Variants in SLC4A7 observed in about 807,000 individuals in gnomAD.
SLC4A7 encodes solute carrier family 4 member 7.
SLC4A7 carries 51 observed loss-of-function variants against 137.6 expected under a neutral mutation model. That is an observed-to-expected ratio of 0.37 (90% confidence interval 0.30 to 0.47). The LOEUF (loss-of-function observed/expected upper bound fraction) is 0.47, where lower values mean the gene tolerates loss of function less well. SLC4A7 is among the 20% of genes least tolerant of loss of function. The probability of loss-of-function intolerance (pLI) is 1.00; values close to 1 mark genes in which losing one functional copy is unlikely to be tolerated. For missense variants in SLC4A7, 1,247 were observed against 1,525.4 expected, an observed-to-expected ratio of 0.82 and a Z score of 3.04; for synonymous variants, 542 against 518.6, an observed-to-expected ratio of 1.05 and a Z score of -0.61.
intron 3 of SLC4A7, among the ~76,000 whole-genome samples, chr3:27,446,875 G>GTT (rs59612875): frequency 0.016 from 1,431 of 91,180 alleles, 27 homozygotes; most frequent in African/African-American, 0.046. Context: ...GTTTTTTTTT[G>GTT]TTTTTTTTTG....
Position 27,376,728 on chromosome 3 carries a change from T to C in SLC4A7, c.*36A>G. ...ACATGATACGCACACATTACATATGTATATATCTATATGTATAATGCCTCT... is the reference window on the plus strand; with the variant it reads ...ACATGATACGCACACATTACATATGCATATATCTATATGTATAATGCCTCT... On this transcript the variant is annotated 3_prime_UTR_variant, in exon 26 of 26. Transcript: ENST00000454389. 3.5e-6 allele frequency: 4 copies of C among 1,141,184 alleles called. No homozygotes were observed. The South Asian group carries it at 5.0e-5, about 14-fold the overall frequency. The allele number at this position is 1,141,184 out of a possible 1,614,324, so 70.7% of individuals were successfully genotyped here.
Position 27,379,918 on chromosome 3 carries a change from C to G in SLC4A7, c.3591-562G>C, listed in dbSNP as rs184971995. On this transcript the variant is annotated intron_variant, in intron 24 of 25. Coordinates refer to ENST00000454389, the MANE Select transcript of SLC4A7 (RefSeq NM_001321103.2). ...AAACAAAGCTCTGAAAATATTTCAA[C>G]AGCTAACACAAAATAGCCTCATGAG... Among the ~76,000 whole-genome samples the G allele has an allele frequency of 2.1e-3, 316 of 152,252 alleles. 1 individual carries two copies. The highest frequency in any genetic ancestry group is 3.3e-3 in the Non-Finnish European group (223 of 68,028).
In SLC4A7 at chr3:27,448,873, T is replaced by A; in HGVS notation, c.143-76A>T. ...TGATATATACAAAAGTACTCCAAAA[T>A]CTACTCTGATAAAGAATATAAGTTC... is the stretch of plus-strand genomic sequence containing the variant. On this transcript the variant is annotated intron_variant, in intron 2 of 25. Coordinates refer to ENST00000454389, the MANE Select transcript of SLC4A7 (RefSeq NM_001321103.2). 3 of 1,004,296 alleles carry A rather than the reference T, an allele frequency of 3.0e-6. No individual in the cohort carries two copies. In the Admixed American group the frequency reaches 8.2e-5, roughly 27 times the overall value. 62.2% of individuals were successfully genotyped at this position (1,004,296 alleles called of 1,614,324 possible).
Position 27,448,759 on chromosome 3 carries a change from T to G in SLC4A7, c.181A>C (p.Ser61Arg). The G allele has an allele frequency of 1.2e-6, 2 of 1,613,558 alleles. No individual in the cohort carries two copies. The highest frequency in any genetic ancestry group is 1.7e-6 in the Non-Finnish European group (2 of 1,179,656). The change falls in exon 3 of 26, where the codon AGT becomes CGT. Residue 61 changes from serine to arginine, a missense_variant. By Grantham distance (110) the Ser-to-Arg change is moderately radical. Around this residue, in one of 6 missense-constraint regions of SLC4A7, gnomAD observed 176 missense variants for 186.4 expected, o/e 0.94. Transcript: ENST00000454389. ...AVYIGVHVPFSKESRRRHRHR... is the reference protein window; with the variant it reads ...AVYIGVHVPFRKESRRRHRHR... ...CTATGACGCCGACGACTCTCTTTAC[T>G]AAACGGGACGTGAACACCAATATAT... is the stretch of plus-strand genomic sequence containing the variant.
chr3:27,481,333 A>G (rs1023119062), intron 1 of SLC4A7, among the ~76,000 whole-genome samples: 1 of 152,236 alleles, frequency 6.6e-6, no homozygotes, highest in Non-Finnish European at 1.5e-5. Context: ...AGAAGCAACC[A>G]TAGAGGCTAA....
At chr3:27,430,344 C>T (rs114631309) in intron 7 of SLC4A7, among the ~76,000 whole-genome samples, 21 of 151,814 alleles carry the variant, frequency 1.4e-4, no homozygotes, top group African/African-American at 4.6e-4. Context: ...CAAGGCAAGA[C>T]GCAATCAATG....
Position 27,390,079 on chromosome 3 carries a change from C to T in SLC4A7, c.3212G>A (p.Gly1071Glu), listed in dbSNP as rs1359272787. 1.2e-6 allele frequency: 2 copies of T among 1,604,426 alleles called. No homozygotes were observed. The highest frequency in any genetic ancestry group is 3.4e-5 in the Admixed American group (2 of 59,422). The change falls in exon 22 of 26, where the codon GGA becomes GAA. Residue 1071 changes from glycine to glutamate, a missense_variant. Transcript: ENST00000454389. ...ATCAGGCTGATGCTTAGCAGGCATT[C>T]CAAATAATTTTATACGGTCAAATAA... is the stretch of plus-strand genomic sequence containing the variant. ...IQLFDRIKLF[G>E]MPAKHQPDLI...
intron 1 of SLC4A7, among the ~76,000 whole-genome samples, chr3:27,460,895 G>A (rs1171646134): frequency 6.6e-6 from 1 of 152,072 alleles, no homozygotes; most frequent in Non-Finnish European, 1.5e-5. Context: ...ATCAAGATGT[G>A]TCTAGATGTA....
intron 2 of SLC4A7, among the ~76,000 whole-genome samples, chr3:27,450,690 C>T (rs2058016655): frequency 6.6e-6 from 1 of 152,018 alleles, no homozygotes; most frequent in Admixed American, 6.5e-5. Context: ...TAAATAAAAA[C>T]ACGCTAGAAT....
chr3:27,463,251 C>A (rs1361991816), intron 1 of SLC4A7, among the ~76,000 whole-genome samples: 3 of 152,192 alleles, frequency 2.0e-5, no homozygotes, highest in Non-Finnish European at 4.4e-5. Context: ...CACGGTGAAA[C>A]CCCGTCTCTA....
chr3:27,411,907 AT>A (rs2053938755), intron 11 of SLC4A7, among the ~76,000 whole-genome samples, 159 bp from the exon 12 acceptor site: 1 of 152,206 alleles, frequency 6.6e-6, no homozygotes, highest in Admixed American at 6.5e-5. Flanking sequence ...TCTGAAATAG[AT>A]TGCTCTTTAA....
At chr3:27,410,965 GATTTAAT>G (rs978910261) in intron 12 of SLC4A7, among the ~76,000 whole-genome samples, 15 of 151,930 alleles carry the variant, frequency 9.9e-5, no homozygotes, top group African/African-American at 3.1e-4. Context: ...TTTACACAAA[GATTTAAT>G]ATTTAAGATT....
chr3:27,484,255 G>A lies in SLC4A7; in HGVS notation c.-129C>T, dbSNP rs1044635729. ...GACAAACGTGGGTGCGTCCGTGCGC[G>A]AGGTGTGCGCGCGTGGGGAGAGCCG... On this transcript the variant is annotated 5_prime_UTR_variant, in exon 1 of 26. Coordinates refer to ENST00000454389, the MANE Select transcript of SLC4A7 (RefSeq NM_001321103.2). 2 of 714,150 alleles carry A rather than the reference G, an allele frequency of 2.8e-6. No individual in the cohort carries two copies. The highest frequency in any genetic ancestry group is 3.7e-5 in the African/African-American group (2 of 53,692). 44.2% of individuals were successfully genotyped at this position (714,150 alleles called of 1,614,324 possible). A position where few individuals can be genotyped will look rare whatever the true frequency, so the allele number is the denominator to read the frequency against.
chr3:27,396,076 A>G (rs1386939471), intron 18 of SLC4A7, among the ~76,000 whole-genome samples: 1 of 152,220 alleles, frequency 6.6e-6, no homozygotes. Flanking sequence ...CTGCATATAT[A>G]GAAACCTAAA....
intron 5 of SLC4A7, among the ~76,000 whole-genome samples, chr3:27,436,035 T>C (rs1262845537): frequency 6.6e-6 from 1 of 152,222 alleles, no homozygotes; most frequent in Non-Finnish European, 1.5e-5. Context: ...TTCTCTTGTA[T>C]CACCTACTCC....
At chr3:27,421,067 T>C (rs943083346) in intron 9 of SLC4A7, among the ~76,000 whole-genome samples, 2 of 152,052 alleles carry the variant, frequency 1.3e-5, no homozygotes, top group African/African-American at 4.8e-5. Flanking sequence ...AGTGCTGGAA[T>C]TACAGCAGTG....
chr3:27,476,315 T>G (rs2059457236), intron 1 of SLC4A7, among the ~76,000 whole-genome samples: 1 of 152,166 alleles, frequency 6.6e-6, no homozygotes, highest in Non-Finnish European at 1.5e-5. Flanking sequence ...CAACTTGCAT[T>G]TACTGCATTT....
chr3:27,424,213 G>C (rs2055304558), intron 7 of SLC4A7, 61 bp from the exon 8 acceptor site: 1 of 797,034 alleles, frequency 1.3e-6, no homozygotes, highest in African/African-American at 1.7e-5. Flanking sequence ...ACCTGATTCT[G>C]CTCACATTCT....
At chr3:27,456,901 G>C (rs2058444787) in intron 1 of SLC4A7, 6 of 1,350,790 alleles carry the variant, frequency 4.4e-6, no homozygotes, top group Non-Finnish European at 5.7e-6. Context: ...AACAGATTTG[G>C]AAAGTAATAT....
Sources: allele counts gnomAD v4.1 joint callset (sites outside exome capture counted in the v4.1 genomes callset), GRCh38; gene constraint gnomAD v4.1.1; regional missense constraint gnomAD v4.1.1; transcripts MANE v1.5; gene names NCBI Gene and HGNC (gene_info 2026-07-23, HGNC 2026-07-21).